The following OSBPL10 variants were observed in gnomAD, a reference collection of about 807,000 sequenced individuals.
OSBPL10 encodes oxysterol-binding protein-related protein 10.
In OSBPL10, 49 loss-of-function variants were observed where a neutral mutation model predicts 81.7. The observed-to-expected ratio is 0.60, with a 90% CI of 0.48 to 0.76. OSBPL10 has a LOEUF of 0.76. OSBPL10 is among the 30% of genes least tolerant of loss of function. The pLI, the probability that OSBPL10 is intolerant of heterozygous loss-of-function variation, is 0.00. For missense variants in OSBPL10, 923 were observed against 987.8 expected, an observed-to-expected ratio of 0.93 and a Z score of 0.88; for synonymous variants, 419 against 383.6, an observed-to-expected ratio of 1.09 and a Z score of -1.08.
chr3:31,757,094 G>A (rs1697909432), intron 4 of OSBPL10, among the ~76,000 whole-genome samples: 1 of 152,148 alleles, frequency 6.6e-6, no homozygotes, highest in Non-Finnish European at 1.5e-5. Context: ...AAATAAACAT[G>A]AGGGTTTTTC....
intron 6 of OSBPL10, among the ~76,000 whole-genome samples, chr3:31,722,050 A>G (rs1249366699): frequency 6.6e-6 from 1 of 152,198 alleles, no homozygotes; most frequent in Non-Finnish European, 1.5e-5. Flanking sequence ...AAGAGACCCA[A>G]ATGCTGAGGA....
At chr3:31,995,817 T>G (rs969424588) in intron 2 of OSBPL10, among the ~76,000 whole-genome samples, 3 of 152,160 alleles carry the variant, frequency 2.0e-5, no homozygotes, top group African/African-American at 7.2e-5. Context: ...CCCCAGGTTT[T>G]TAAAGAGCCA....
At chr3:31,982,650 TA>T (rs34935064), upstream of OSBPL10, among the ~76,000 whole-genome samples, 214 of 146,700 alleles carry the variant, frequency 1.5e-3, no homozygotes, top group Middle Eastern at 3.6e-3. Flanking sequence ...TACATAGTGT[TA>T]AAAAAAAAAA....
chr3:31,772,035 ATTT>A (rs371145925), intron 4 of OSBPL10, among the ~76,000 whole-genome samples: 4 of 152,216 alleles, frequency 2.6e-5, no homozygotes, highest in African/African-American at 9.6e-5. Flanking sequence ...TGCCTAGCAG[ATTT>A]TTTTTAAGTC....
intron 2 of OSBPL10, among the ~76,000 whole-genome samples, chr3:32,010,101 G>A (rs1038024954): frequency 2.0e-5 from 3 of 151,880 alleles, no homozygotes; most frequent in African/African-American, 7.3e-5. Context: ...AGTCAAAGAG[G>A]AAGTCTCTCT....
intron 3 of OSBPL10, among the ~76,000 whole-genome samples, chr3:31,857,999 GTT>G (rs11290287): frequency 0.052 from 7,198 of 139,690 alleles, 474 homozygotes; most frequent in African/African-American, 0.16. Flanking sequence ...CACAGCCTGT[GTT>G]TTTTTTTTTT....
chr3:31,915,761 G>GA (rs111230460), intron 1 of OSBPL10, among the ~76,000 whole-genome samples: 29,456 of 151,344 alleles, frequency 0.19, 3,976 homozygotes, highest in African/African-American at 0.37. Flanking sequence ...AATAAAAGTT[G>GA]AAAAAAAATT....
intron 6 of OSBPL10, among the ~76,000 whole-genome samples, chr3:31,707,943 G>A (rs1696125451): frequency 6.6e-6 from 1 of 152,072 alleles, no homozygotes; most frequent in South Asian, 2.1e-4. Context: ...GCTAGGGACT[G>A]GAGAGATTGG....
At chr3:31,707,939 G>A (rs956916373) in intron 6 of OSBPL10, among the ~76,000 whole-genome samples, 3 of 152,020 alleles carry the variant, frequency 2.0e-5, no homozygotes, top group Non-Finnish European at 4.4e-5. Context: ...AGAGGCTAGG[G>A]ACTGGAGAGA....
chr3:31,678,462 C>A (rs921258943), intron 8 of OSBPL10, among the ~76,000 whole-genome samples: 1 of 152,138 alleles, frequency 6.6e-6, no homozygotes, highest in Non-Finnish European at 1.5e-5. Flanking sequence ...CGCTGGTGGT[C>A]GGGGACAGGG....
At chr3:31,695,721 G>C (rs1053873091) in intron 7 of OSBPL10, among the ~76,000 whole-genome samples, 7 of 152,160 alleles carry the variant, frequency 4.6e-5, no homozygotes, top group South Asian at 4.1e-4. Context: ...CCCCCTGGTG[G>C]TGTGTGACAA....
rs397937467 is a variant in OSBPL10, at chr3:31,915,171, T to TTA, written c.282-35342_282-35341insTA. Among the ~76,000 whole-genome samples, 3 of 151,968 alleles carry TTA rather than the reference T, an allele frequency of 2.0e-5. No homozygotes were observed. In the East Asian group the frequency reaches 5.8e-4, roughly 29 times the overall value. ...ACTGCTTTGAACACATTTTTTTTTT[T>TTA]AATAAATAGCCATTGAATGGTAACA... On this transcript the variant is annotated intron_variant, in intron 1 of 11. Coordinates refer to ENST00000396556, the MANE Select transcript of OSBPL10 (RefSeq NM_017784.5).
intron 1 of OSBPL10, among the ~76,000 whole-genome samples, chr3:31,895,429 A>C (rs1471178097): frequency 6.6e-6 from 1 of 151,666 alleles, no homozygotes; most frequent in Non-Finnish European, 1.5e-5. Flanking sequence ...GAGCCACCGC[A>C]CCCAGCCCAG....
In OSBPL10 at chr3:31,684,007, T is replaced by A; in HGVS notation, c.1353A>T (p.Pro451=). The A allele has an allele frequency of 6.2e-7, 1 of 1,614,216 alleles. No homozygotes were observed. The highest frequency in any genetic ancestry group is 8.5e-7 in the Non-Finnish European group (1 of 1,180,042). ...CAACGAAGCAAATGACTCTCTCCTC[T>A]GGTGTGGCCCCAGCGGTGATGGCCA... The part of the protein sequence containing the change: ...LLLAITAGAT[P]EERVICFVEY... The change falls in exon 8 of 12, where the codon CCA becomes CCT. Residue 451 remains proline (P), a synonymous_variant. Transcript: ENST00000396556.
intron 1 of OSBPL10, among the ~76,000 whole-genome samples, chr3:31,881,492 CCAT>C (rs755104016): frequency 2.0e-5 from 3 of 151,928 alleles, no homozygotes; most frequent in Non-Finnish European, 2.9e-5. Context: ...CCTTTTGATG[CCAT>C]CATATTTTTG....
rs60251266 is a variant in OSBPL10 at position 31,931,014 on chromosome 3, CAAAAAAAAAAAAAAAAA to C, written c.281+49868_281+49884del. On this transcript the variant is annotated intron_variant, in intron 1 of 11. Transcript: ENST00000396556. ...TGGGCGACAGAGCAAGACTCGGTCT[CAAAAAAAAAAAAAAAAA>C]AAAAAAAAAAGATAGTAAAAAAGAG... Among the ~76,000 whole-genome samples the C allele has an allele frequency of 5.3e-3, 330 of 62,080 alleles. 4 individuals are homozygous for C. The highest frequency in any genetic ancestry group is 0.022 in the African/African-American group (316 of 14,450). The allele number at this position is 62,080 out of a possible 152,430, so 40.7% of individuals were successfully genotyped here. A position where few individuals can be genotyped will look rare whatever the true frequency, so the allele number is the denominator to read the frequency against.
chr3:31,999,972 T>C (rs950072579), intron 2 of OSBPL10, among the ~76,000 whole-genome samples: 2 of 152,136 alleles, frequency 1.3e-5, no homozygotes, highest in African/African-American at 4.8e-5. Context: ...TCCCTTTGAC[T>C]TTAAATATCT....
intron 5 of OSBPL10, among the ~76,000 whole-genome samples, chr3:31,738,014 GA>G (rs1697238403): frequency 4.3e-5 from 2 of 46,960 alleles, no homozygotes; most frequent in Admixed American, 6.6e-4. Flanking sequence ...AAAAAAAAAA[GA>G]AAGACAATAC....
chr3:31,860,415 G>A (rs1004769402), intron 3 of OSBPL10, among the ~76,000 whole-genome samples: 5 of 152,186 alleles, frequency 3.3e-5, no homozygotes, highest in African/African-American at 1.2e-4. Flanking sequence ...ACCAAGTCAT[G>A]AAACTGCATT....
Sources: allele counts gnomAD v4.1 joint callset (sites outside exome capture counted in the v4.1 genomes callset), GRCh38; gene constraint gnomAD v4.1.1; transcripts MANE v1.5; gene names NCBI Gene and HGNC (gene_info 2026-07-23, HGNC 2026-07-21).